Variants in PBX4 observed in about 807,000 individuals in gnomAD.
PBX4 encodes PBX homeobox 4.
PBX4 carries 26 observed loss-of-function variants against 35.1 expected under a neutral mutation model. The ratio of observed to expected loss-of-function variants is 0.74; its 90% confidence interval spans 0.54 to 1.03. The LOEUF (loss-of-function observed/expected upper bound fraction) is 1.03, where lower values mean the gene tolerates loss of function less well. PBX4 is among the 50% of genes least tolerant of loss of function. The probability of loss-of-function intolerance (pLI) is 0.00; values close to 1 mark genes in which losing one functional copy is unlikely to be tolerated. For synonymous variants in PBX4, 199 were observed against 204.2 expected (o/e 0.97, Z 0.22); for missense variants, 448 against 504.3 (o/e 0.89, Z 1.07).
intron 2 of PBX4, among the ~76,000 whole-genome samples, chr19:19,577,633 G>C (rs2061428314): frequency 1.3e-5 from 2 of 151,990 alleles, no homozygotes; most frequent in Non-Finnish European, 2.9e-5. Flanking sequence ...TTGGGAGGTG[G>C]GTGGATCTTG....
chr19:19,575,179 G>A (rs1464192915), intron 2 of PBX4, among the ~76,000 whole-genome samples: 1 of 151,072 alleles, frequency 6.6e-6, no homozygotes, highest in Non-Finnish European at 1.5e-5. Context: ...GGAGCTTGCA[G>A]TGAGCCGAGA....
At chr19:19,610,380 T>C (rs2061656871) in intron 1 of PBX4, among the ~76,000 whole-genome samples, 1 of 152,010 alleles carries the variant, frequency 6.6e-6, no homozygotes, top group Admixed American at 6.6e-5. Context: ...GCCATTGCAC[T>C]CCAGCCTGGG....
chr19:19,608,840 G>C (rs1355268967), intron 1 of PBX4, among the ~76,000 whole-genome samples: 9 of 152,152 alleles, frequency 5.9e-5, no homozygotes, highest in Non-Finnish European at 1.3e-4. Context: ...ACAAGCTCTA[G>C]TCTTGCTGAA....
rs191888337 is a variant in PBX4 at position 19,583,800 on chromosome 19, A to G, written c.194-12967T>C. On this transcript the variant is annotated intron_variant, in intron 2 of 7. Coordinates refer to ENST00000251203, the MANE Select transcript of PBX4 (RefSeq NM_025245.3). ...ACCCCATCTCTACTAAAAATAGAAA[A>G]AGCTCACGCCTGTAAACCCAGCACT... Among the ~76,000 whole-genome samples, 9 of 150,934 alleles carry G rather than the reference A, an allele frequency of 6.0e-5. No homozygotes were observed. In the East Asian group the frequency reaches 1.8e-3, roughly 30 times the overall value.
At chr19:19,583,719 T>A in intron 2 of PBX4, among the ~76,000 whole-genome samples, 1 of 151,988 alleles carries the variant, frequency 6.6e-6, no homozygotes, top group Middle Eastern at 3.4e-3. Context: ...GAGGCTGGGG[T>A]TGGGGGGAAT....
At chr19:19,594,171 C>T (rs1272826451) in intron 2 of PBX4, among the ~76,000 whole-genome samples, 4 of 151,458 alleles carry the variant, frequency 2.6e-5, no homozygotes, top group African/African-American at 4.9e-5. Flanking sequence ...TTTGGGAGGC[C>T]GAGGCGGGCG....
At chr19:19,612,469 G>C (rs2061667623) in intron 1 of PBX4, among the ~76,000 whole-genome samples, 1 of 152,072 alleles carries the variant, frequency 6.6e-6, no homozygotes, top group Admixed American at 6.6e-5. Context: ...ATTGAGAGTG[G>C]GCAGGATCAG....
chr19:19,561,856 G>T lies in PBX4; in HGVS notation c.*169C>A. 1 of 512,984 alleles carries T rather than the reference G, an allele frequency of 1.9e-6. No individual in the cohort carries two copies. Among genetic ancestry groups the T allele is most frequent in the Non-Finnish European group, 3.4e-6 (1 of 291,336 alleles). The allele number at this position is 512,984 out of a possible 1,614,324, so 31.8% of individuals were successfully genotyped here. On this transcript the variant is annotated 3_prime_UTR_variant, in exon 8 of 8. Coordinates refer to ENST00000251203, the MANE Select transcript of PBX4 (RefSeq NM_025245.3). Reference sequence around the variant, plus strand: ...GTGGCGTTTCAGGCCATCTCGAGTCGCAGCAGACACATGAGCCGGCGCCAC... The same window carrying T: ...GTGGCGTTTCAGGCCATCTCGAGTCTCAGCAGACACATGAGCCGGCGCCAC...
intron 5 of PBX4, among the ~76,000 whole-genome samples, chr19:19,565,639 C>T (rs563660141): frequency 5.3e-5 from 8 of 152,154 alleles, no homozygotes; most frequent in East Asian, 1.9e-4. Flanking sequence ...GTTTTTTGGC[C>T]GGGCGTGGTG....
chr19:19,575,359 C>G (rs968421697), intron 2 of PBX4, among the ~76,000 whole-genome samples: 3 of 151,986 alleles, frequency 2.0e-5, no homozygotes, highest in Middle Eastern at 3.2e-3. Context: ...CTGGGCCTTA[C>G]AGATCTGGGT....
At chr19:19,601,415 T>C (rs543099446) in intron 1 of PBX4, among the ~76,000 whole-genome samples, 2 of 152,254 alleles carry the variant, frequency 1.3e-5, no homozygotes, top group South Asian at 2.1e-4. Flanking sequence ...TTGAAAGTCA[T>C]GGGGACAACT....
chr19:19,607,931 T>A (rs1018139634), intron 1 of PBX4, among the ~76,000 whole-genome samples: 4 of 152,234 alleles, frequency 2.6e-5, no homozygotes, highest in African/African-American at 9.6e-5. Context: ...AGATCGATTA[T>A]CCTTGATTAT....
chr19:19,617,874 C>A, intron 1 of PBX4, among the ~76,000 whole-genome samples: 1 of 152,126 alleles, frequency 6.6e-6, no homozygotes, highest in Non-Finnish European at 1.5e-5. Context: ...CTGGAAACTT[C>A]CCACCCACAG....
At chr19:19,584,286 C>G (rs562899701) in intron 2 of PBX4, among the ~76,000 whole-genome samples, 2 of 152,150 alleles carry the variant, frequency 1.3e-5, no homozygotes, top group African/African-American at 4.8e-5. Flanking sequence ...AAGAACCTTC[C>G]TTAACCTGAT....
intron 1 of PBX4, among the ~76,000 whole-genome samples, chr19:19,613,445 CAAAAAA>C (rs57256131): frequency 3.5e-5 from 4 of 113,622 alleles, no homozygotes; most frequent in East Asian, 2.9e-4. Context: ...GACTCTGTCT[CAAAAAA>C]AAAAAAAAAA....
Position 19,562,252 on chromosome 19 carries a change from T to A in PBX4, c.1033-135A>T. 1 of 618,800 alleles carries A rather than the reference T, an allele frequency of 1.6e-6. No individual in the cohort carries two copies. Among genetic ancestry groups the A allele is most frequent in the Non-Finnish European group, 2.7e-6 (1 of 364,048 alleles). 38.3% of individuals were successfully genotyped at this position (618,800 alleles called of 1,614,324 possible). A position where few individuals can be genotyped will look rare whatever the true frequency, so the allele number is the denominator to read the frequency against. ...GATCCACAGATGACCTCCAGCTCAG[T>A]GGAGGAGGGAAGGGATGGAGGGGTC... On this transcript the variant is annotated intron_variant, in intron 7 of 7. Coordinates refer to ENST00000251203, the MANE Select transcript of PBX4 (RefSeq NM_025245.3). This position sits in a 1 kb window ranked among gnomAD's most constrained non-coding sequence, Gnocchi z 4.8.
At chr19:19,598,261 G>C (rs1021877494) in intron 2 of PBX4, among the ~76,000 whole-genome samples, 1 of 149,890 alleles carries the variant, frequency 6.7e-6, no homozygotes, top group Admixed American at 6.7e-5. Context: ...AGAACTCTCT[G>C]TACTATTTTT....
intron 2 of PBX4, among the ~76,000 whole-genome samples, chr19:19,591,378 T>G (rs948333731): frequency 6.6e-6 from 1 of 152,190 alleles, no homozygotes; most frequent in Non-Finnish European, 1.5e-5. Context: ...AGAATGAGAA[T>G]GGCTTATGCC....
At chr19:19,601,059 G>T (rs937761251) in intron 1 of PBX4, among the ~76,000 whole-genome samples, 10 of 152,182 alleles carry the variant, frequency 6.6e-5, no homozygotes, top group Non-Finnish European at 1.2e-4. Context: ...CAGTTAAGAG[G>T]GAGGGAGTGA....
Sources: gnomAD v4.1 joint callset for allele counts (sites outside exome capture counted in the v4.1 genomes callset) on GRCh38, gnomAD v4.1.1 for gene constraint, Gnocchi (gnomAD v3.1) non-coding constraint, MANE v1.5 for transcripts, NCBI Gene and HGNC (gene_info 2026-07-23, HGNC 2026-07-21) for gene names.